MLIP: variants seen among roughly 807,000 people sequenced by gnomAD.
The protein encoded by MLIP is muscular LMNA interacting protein.
MLIP carries 79 observed loss-of-function variants against 84.8 expected under a neutral mutation model. The ratio of observed to expected loss-of-function variants is 0.93; its 90% CI spans 0.78 to 1.12. MLIP has a LOEUF of 1.12. Ranked by LOEUF, MLIP falls within the 50% of genes most tolerant of loss-of-function variation. The pLI is 0.00. For synonymous variants in MLIP, 504 were observed against 463.0 expected, an observed-to-expected ratio of 1.09 and a Z score of -1.14; for missense variants, 1,257 against 1,160.6, an observed-to-expected ratio of 1.08 and a Z score of -1.21.
At chr6:54,040,378 G>A (rs1271114341) in intron 1 of MLIP, among the ~76,000 whole-genome samples, 1 of 151,874 alleles carries the variant, frequency 6.6e-6, no homozygotes, top group Non-Finnish European at 1.5e-5. Flanking sequence ...GACTGCTCAA[G>A]AGTCTTCAGA....
intron 1 of MLIP, among the ~76,000 whole-genome samples, chr6:54,038,207 A>G (rs1156527888): frequency 2.0e-5 from 3 of 151,908 alleles, no homozygotes; most frequent in Non-Finnish European, 4.4e-5. Context: ...GCATAAATTA[A>G]GGTTGTTAGT....
chr6:54,161,041 G>A (rs1026091284), intron 8 of MLIP, among the ~76,000 whole-genome samples: 1 of 151,898 alleles, frequency 6.6e-6, no homozygotes, highest in Non-Finnish European at 1.5e-5. Context: ...GGGTTGCAAA[G>A]TAAAATCTAT....
At position 54,069,526 on chromosome 6, in the gene MLIP, G is replaced by A. The variant is rs1358653751; in HGVS notation, c.63+50435G>A. 3.0e-5 allele frequency among the ~76,000 whole-genome samples: 3 copies of A among 99,514 alleles called. 1 individual carries two copies. Among genetic ancestry groups the A allele is most frequent in the Non-Finnish European group, 8.7e-5 (3 of 34,626 alleles). The allele number at this position is 99,514 out of a possible 152,430, so 65.3% of individuals were successfully genotyped here. On this transcript the variant is annotated intron_variant, in intron 1 of 12. Coordinates refer to the MLIP transcript ENST00000274897. ...ATGTTCAAGTCCCTGATATAAAATG[G>A]TGTAGTATTTGCATATAACCTATGC...
intron 12 of MLIP, among the ~76,000 whole-genome samples, chr6:54,235,899 T>C (rs1021803656): frequency 2.0e-5 from 3 of 152,196 alleles, no homozygotes; most frequent in Non-Finnish European, 2.9e-5. Context: ...AGCCATATAA[T>C]ACATGGTTAC....
At chr6:54,086,375 CACCTAT>C (rs1169181056) in intron 1 of MLIP, among the ~76,000 whole-genome samples, 2 of 152,164 alleles carry the variant, frequency 1.3e-5, no homozygotes, top group African/African-American at 4.8e-5. Flanking sequence ...CTTCTTACCC[CACCTAT>C]TTATGTGTGT....
intron 5 of MLIP, among the ~76,000 whole-genome samples, chr6:54,154,488 T>G (rs1226578986): frequency 6.6e-6 from 1 of 152,168 alleles, no homozygotes; most frequent in African/African-American, 2.4e-5. Flanking sequence ...AAGTGCGCTT[T>G]CATCTTCACA....
At chr6:54,150,765 G>C (rs1055959543) in intron 5 of MLIP, among the ~76,000 whole-genome samples, 1 of 152,110 alleles carries the variant, frequency 6.6e-6, no homozygotes, top group Non-Finnish European at 1.5e-5. Flanking sequence ...TGTCTGTTAG[G>C]ATTGTTTCCA....
intron 13 of MLIP, among the ~76,000 whole-genome samples, chr6:54,265,286 A>C (rs1293611488): frequency 6.6e-6 from 1 of 152,056 alleles, no homozygotes; most frequent in Non-Finnish European, 1.5e-5. Flanking sequence ...CTGCCTTCAC[A>C]GTTGCCAATA....
In MLIP at chr6:54,136,801, ACC is replaced by A; in HGVS notation, c.734_735del (p.Pro245ArgfsTer4). 2.0e-6 allele frequency: 3 copies of A among 1,528,632 alleles called. No individual in the cohort carries two copies. The highest frequency in any genetic ancestry group is 2.6e-6 in the Non-Finnish European group (3 of 1,141,130). The allele number at this position is 1,528,632 out of a possible 1,614,324, so 94.7% of individuals were successfully genotyped here. A position where few individuals can be genotyped will look rare whatever the true frequency, so the allele number is the denominator to read the frequency against. On this transcript the variant is annotated frameshift_variant, in exon 4 of 14. Transcript: ENST00000502396. LOFTEE classifies it high-confidence loss of function. ...TTTCTCCAACTAATCCGAACACACCACCCGACCCAGTTAACCTCGAGGGAGCC... is the reference window on the plus strand; with the variant it reads ...TTTCTCCAACTAATCCGAACACACCACGACCCAGTTAACCTCGAGGGAGCC... ...FVSPTNPNTP[P>X]DPVNLEGASV...
intron 11 of MLIP, among the ~76,000 whole-genome samples, chr6:54,220,734 T>A (rs918277642): frequency 2.0e-5 from 3 of 151,506 alleles, no homozygotes; most frequent in African/African-American, 7.2e-5. Context: ...GAAAGTGACA[T>A]TTTGGATTCT....
At chr6:54,126,977 T>C (rs1194552733) in intron 3 of MLIP, among the ~76,000 whole-genome samples, 1 of 152,146 alleles carries the variant, frequency 6.6e-6, no homozygotes, top group Non-Finnish European at 1.5e-5. Flanking sequence ...CTACATCTTT[T>C]ACCTCTCTTC....
chr6:54,163,801 C>A (rs1774897744), intron 8 of MLIP, among the ~76,000 whole-genome samples: 3 of 151,770 alleles, frequency 2.0e-5, no homozygotes, highest in Admixed American at 6.6e-5. Flanking sequence ...AAGCTTTTTC[C>A]TGGATTTATT....
chr6:54,134,837 T>C (rs137884552), intron 3 of MLIP, among the ~76,000 whole-genome samples: 62 of 152,216 alleles, frequency 4.1e-4, no homozygotes, highest in Non-Finnish European at 7.1e-4. Context: ...ACTGCTGTTA[T>C]TAATTTACAG....
In MLIP at chr6:54,266,079, C is replaced by A; in HGVS notation, c.*124C>A. On this transcript the variant is annotated 3_prime_UTR_variant, in exon 14 of 14. Coordinates refer to ENST00000502396, the MANE Select transcript of MLIP (RefSeq NM_001281747.2). ...AGTGCTCCCTTTATGAGCTGCAGTG[C>A]AGCAGAACCAAAAAAAAAGTTTGCT... The A allele has an allele frequency of 2.2e-6, 2 of 917,188 alleles. No individual in the cohort carries two copies. The highest frequency in any genetic ancestry group is 5.0e-5 in the Admixed American group (2 of 40,238). The allele number at this position is 917,188 out of a possible 1,614,324, so 56.8% of individuals were successfully genotyped here.
At chr6:54,223,081 T>G (rs557583743) in intron 11 of MLIP, among the ~76,000 whole-genome samples, 1 of 152,140 alleles carries the variant, frequency 6.6e-6, no homozygotes, top group Non-Finnish European at 1.5e-5. Flanking sequence ...TTATTTGTGC[T>G]TTTTTGGTAT....
chr6:54,043,173 A>G (rs1168042990), intron 1 of MLIP, among the ~76,000 whole-genome samples: 1 of 152,172 alleles, frequency 6.6e-6, no homozygotes, highest in East Asian at 1.9e-4. Flanking sequence ...GAGGAGTGGG[A>G]ACAAGTTCTC....
At chr6:54,132,238 A>G (rs566374765) in intron 3 of MLIP, among the ~76,000 whole-genome samples, 1 of 152,190 alleles carries the variant, frequency 6.6e-6, no homozygotes, top group Non-Finnish European at 1.5e-5. Flanking sequence ...TATTCACCAC[A>G]ATGATATTTA....
Position 54,136,842 on chromosome 6 carries a change from A to C in MLIP, c.773A>C (p.Glu258Ala), listed in dbSNP as rs1398356861. ...VNLEGASVLE[E>A]FHTRRLDVGG... The stretch of plus-strand genomic sequence containing the variant: ...CTCGAGGGAGCCTCTGTCCTAGAGG[A>C]GTTCCACACTAGGAGGCTGGATGTC... Residue 258 changes from glutamate to alanine, a missense_variant, in exon 4 of 14, where the codon GAG (glutamate) becomes GCG (alanine). Physicochemically the swap from Glu to Ala is moderately radical, Grantham distance 107. Transcript: ENST00000502396. The C allele has an allele frequency of 7.2e-6, 11 of 1,534,628 alleles. No individual in the cohort carries two copies. Among genetic ancestry groups the C allele is most frequent in the Admixed American group, 3.9e-5 (2 of 50,936 alleles).
chr6:54,239,589 C>T (rs1474923367), intron 12 of MLIP, among the ~76,000 whole-genome samples: 1 of 149,644 alleles, frequency 6.7e-6, no homozygotes, highest in African/African-American at 2.5e-5. Context: ...TGACCAACAT[C>T]CAACGTGGTG....
Sources: gnomAD v4.1 joint callset for allele counts (sites outside exome capture counted in the v4.1 genomes callset) on GRCh38, gnomAD v4.1.1 for gene constraint, MANE v1.5 for transcripts, NCBI Gene and HGNC (gene_info 2026-07-23, HGNC 2026-07-21) for gene names.